PDE4D: variants seen among roughly 807,000 people sequenced by gnomAD.
PDE4D encodes phosphodiesterase 4D.
In PDE4D, 24 loss-of-function variants were observed where a neutral mutation model predicts 87.4. The observed-to-expected ratio is 0.27, with a 90% confidence interval of 0.20 to 0.39. The LOEUF (loss-of-function observed/expected upper bound fraction) is 0.39. PDE4D is among the 10% of genes least tolerant of loss of function. The pLI, the probability that PDE4D is intolerant of heterozygous loss-of-function variation, is 1.00. For missense variants in PDE4D, 714 were observed against 1,041.0 expected (o/e 0.69, Z 4.32); for synonymous variants, 384 against 383.2 (o/e 1.00, Z -0.02).
chr5:59,863,039 T>C (rs913880691), intron 1 of PDE4D, among the ~76,000 whole-genome samples: 9 of 152,230 alleles, frequency 5.9e-5, no homozygotes, highest in Admixed American at 2.6e-4. Context: ...TATCGTGTTC[T>C]TAAGGGATCC....
intron 1 of PDE4D, among the ~76,000 whole-genome samples, chr5:60,207,818 C>T (rs1203260512): frequency 1.2e-4 from 18 of 152,154 alleles, no homozygotes; most frequent in Admixed American, 1.2e-3. Flanking sequence ...CAATGGTCTG[C>T]TCTTATTTCA....
intron 2 of PDE4D, among the ~76,000 whole-genome samples, chr5:60,131,202 T>A (rs1488676582): frequency 6.6e-6 from 1 of 152,244 alleles, no homozygotes; most frequent in Non-Finnish European, 1.5e-5. Context: ...TTTGTTTTGC[T>A]TTGTTTTCGC....
At chr5:59,743,806 A>G (rs952053058) in intron 1 of PDE4D, among the ~76,000 whole-genome samples, 5 of 152,118 alleles carry the variant, frequency 3.3e-5, no homozygotes, top group African/African-American at 1.2e-4. Context: ...TTCATTGAGC[A>G]CTACAATCAT....
chr5:60,243,204 A>G (rs566171355), intron 1 of PDE4D, among the ~76,000 whole-genome samples: 1 of 152,180 alleles, frequency 6.6e-6, no homozygotes, highest in Admixed American at 6.6e-5. Context: ...AAATCCCAGT[A>G]AATTAAAAAA....
chr5:59,876,803 T>C (rs887529535), intron 1 of PDE4D, among the ~76,000 whole-genome samples: 3 of 152,204 alleles, frequency 2.0e-5, no homozygotes, highest in African/African-American at 7.2e-5. Flanking sequence ...ATCTCAGTAA[T>C]ATTATCTTAG....
intron 1 of PDE4D, among the ~76,000 whole-genome samples, chr5:59,839,918 T>C (rs1194326709): frequency 2.0e-5 from 3 of 152,058 alleles, no homozygotes; most frequent in Non-Finnish European, 4.4e-5. Context: ...TTAAGTTTTG[T>C]CCAGACACAT....
Position 59,606,689 on chromosome 5 carries a change from C to A in PDE4D, c.455+286479G>T, listed in dbSNP as rs544225188. 1.5e-4 allele frequency among the ~76,000 whole-genome samples: 23 copies of A among 152,172 alleles called. 1 individual carries two copies. The highest frequency in any genetic ancestry group is 6.8e-3 in the Middle Eastern group (2 of 294). On this transcript the variant is annotated intron_variant, in intron 1 of 14. Transcript: ENST00000340635. ...GTAGATGGAGTAATAAAGAACATAA[C>A]CTTCGTAAGTAGTAAATGCCAGGCA...
intron 1 of PDE4D, among the ~76,000 whole-genome samples, chr5:59,411,886 C>T (rs1157102691): frequency 6.6e-6 from 1 of 152,242 alleles, no homozygotes; most frequent in African/African-American, 2.4e-5. Context: ...CTTAATGACG[C>T]TGGGACCATC....
chr5:59,719,650 A>T (rs939572488), intron 1 of PDE4D, among the ~76,000 whole-genome samples: 9 of 152,196 alleles, frequency 5.9e-5, no homozygotes, highest in African/African-American at 2.2e-4. Context: ...TTTTATACAC[A>T]TGCATTAATG....
rs548144421 is a variant in PDE4D at position 59,501,350 on chromosome 5, A to C, written c.456-285382T>G. On this transcript the variant is annotated intron_variant, in intron 1 of 14. Coordinates refer to ENST00000340635, the MANE Select transcript of PDE4D (RefSeq NM_001104631.2). ...GATTTGTTTACTTCAACAAATATTA[A>C]GCATGACTACACTAGGTAGAGTAGA... is the stretch of plus-strand genomic sequence containing the variant. Among the ~76,000 whole-genome samples the C allele has an allele frequency of 4.6e-5, 7 of 152,318 alleles. No homozygotes were observed. The South Asian group carries it at 1.0e-3, about 23-fold the overall frequency.
intron 1 of PDE4D, among the ~76,000 whole-genome samples, chr5:60,306,627 T>C (rs891730418): frequency 6.6e-6 from 1 of 151,962 alleles, no homozygotes; most frequent in African/African-American, 2.4e-5. Flanking sequence ...ACAAGAAAAT[T>C]TAGATTTCCT....
chr5:59,759,127 G>C (rs1260179626), intron 1 of PDE4D, among the ~76,000 whole-genome samples: 1 of 151,846 alleles, frequency 6.6e-6, no homozygotes, highest in Non-Finnish European at 1.5e-5. Flanking sequence ...GCTACTTGAA[G>C]AACAAATTTG....
At chr5:59,465,756 A>G (rs1801495876) in intron 1 of PDE4D, among the ~76,000 whole-genome samples, 1 of 152,208 alleles carries the variant, frequency 6.6e-6, no homozygotes, top group African/African-American at 2.4e-5. Context: ...CAACCTGAAG[A>G]GAGATAAAGA....
chr5:60,045,396 G>C (rs1208127438), intron 2 of PDE4D, among the ~76,000 whole-genome samples: 1 of 152,188 alleles, frequency 6.6e-6, no homozygotes, highest in Non-Finnish European at 1.5e-5. Flanking sequence ...TTTGGCTTTG[G>C]TTGCCATGGC....
At chr5:59,138,034 T>A (rs1055862366) in intron 5 of PDE4D, among the ~76,000 whole-genome samples, 3 of 152,130 alleles carry the variant, frequency 2.0e-5, no homozygotes, top group Non-Finnish European at 2.9e-5. Flanking sequence ...CCTAACGAGG[T>A]TAAAGGAACA....
At chr5:60,082,929 G>C (rs1774117900) in intron 2 of PDE4D, among the ~76,000 whole-genome samples, 1 of 152,096 alleles carries the variant, frequency 6.6e-6, no homozygotes, top group Non-Finnish European at 1.5e-5. Context: ...TCAGGTCATA[G>C]CTAAAATATT....
intron 1 of PDE4D, among the ~76,000 whole-genome samples, chr5:59,846,853 T>A (rs1743934097): frequency 6.6e-6 from 1 of 152,052 alleles, no homozygotes; most frequent in South Asian, 2.1e-4. Context: ...TTGCCAGATT[T>A]GCTGTTTTCT....
At chr5:59,110,840 C>G (rs1024205131) in intron 5 of PDE4D, among the ~76,000 whole-genome samples, 7 of 152,072 alleles carry the variant, frequency 4.6e-5, no homozygotes, top group African/African-American at 1.7e-4. Context: ...CCACTACACC[C>G]CAGACTGGGC....
At position 60,434,786 on chromosome 5, in the gene PDE4D, G is replaced by A. The variant is rs570711825; in HGVS notation, c.-90+53156C>T. The stretch of plus-strand genomic sequence containing the variant: ...GATGAGTTTGAATGGAAAAAATCAA[G>A]GTACAAAAAGAAAGGCCAGGGCTTT... On this transcript the variant is annotated intron_variant, in intron 1 of 16. Transcript: ENST00000502484. Among the ~76,000 whole-genome samples the A allele has an allele frequency of 8.5e-5, 13 of 152,112 alleles. 1 individual carries two copies. The highest frequency in any genetic ancestry group is 2.9e-4 in the African/African-American group (12 of 41,518).
Sources: allele counts gnomAD v4.1 joint callset (sites outside exome capture counted in the v4.1 genomes callset), GRCh38; gene constraint gnomAD v4.1.1; transcripts MANE v1.5; gene names NCBI Gene and HGNC (gene_info 2026-07-23, HGNC 2026-07-21).